The following GREB1L variants were observed in gnomAD, a reference collection of about 807,000 sequenced individuals.
GREB1L encodes GREB1-like protein.
In GREB1L, 17 loss-of-function variants were observed where a neutral mutation model predicts 200.8. The ratio of observed to expected loss-of-function variants is 0.08; its 90% confidence interval spans 0.06 to 0.13. The LOEUF is 0.13. Ranked by LOEUF, GREB1L falls within the 10% of genes least tolerant of loss-of-function variation. The pLI, the probability that GREB1L is intolerant of heterozygous loss-of-function variation, is 1.00. For synonymous variants in GREB1L, 789 were observed against 893.0 expected (o/e 0.88, Z 2.08); for missense variants, 1,657 against 2,367.7 (o/e 0.70, Z 6.23).
At chr18:21,499,586 C>T (rs2036690107) in intron 21 of GREB1L, 143 bp from the exon 22 acceptor site, 18 of 634,470 alleles carry the variant, frequency 2.8e-5, no homozygotes, top group South Asian at 1.6e-4. Context: ...ATGTGGAGAG[C>T]GGCAAAGAGA....
intron 2 of GREB1L, among the ~76,000 whole-genome samples, chr18:21,376,812 C>CAAAA (rs534144361): frequency 4.7e-4 from 28 of 59,346 alleles, no homozygotes; most frequent in Non-Finnish European, 6.1e-4. Context: ...GAGTCCGTCT[C>CAAAA]AAAAAAAAAA....
intron 17 of GREB1L, among the ~76,000 whole-genome samples, chr18:21,484,662 C>T (rs1456439631): frequency 2.6e-5 from 4 of 151,746 alleles, no homozygotes; most frequent in Non-Finnish European, 4.4e-5. Context: ...CCTAAAAATG[C>T]AAAAAAAGAA....
At chr18:21,380,774 T>C (rs1453424676) in intron 2 of GREB1L, 1 of 152,198 alleles carries the variant, frequency 6.6e-6, no homozygotes, top group African/African-American at 2.4e-5. Context: ...CCAATAGTTC[T>C]CAGATTGTTA....
chr18:21,445,705 A>G (rs1471779431), intron 11 of GREB1L, among the ~76,000 whole-genome samples: 1 of 152,208 alleles, frequency 6.6e-6, no homozygotes, highest in African/African-American at 2.4e-5. Flanking sequence ...CTGTGCCCTG[A>G]GAGGCTGCCT....
rs577942125 is a variant in GREB1L, at chr18:21,402,074, T to G, written c.709+748T>G. Among the ~76,000 whole-genome samples, 17 of 152,324 alleles carry G rather than the reference T, an allele frequency of 1.1e-4. No homozygotes were observed. In the South Asian group the frequency reaches 3.5e-3, roughly 32 times the overall value. ...AGTCCTTCACCTTAATTTCTCTTAG[T>G]TATCTTTGAAGTAGCATTATATAGT... is the stretch of plus-strand genomic sequence containing the variant. On this transcript the variant is annotated intron_variant, in intron 6 of 32. Transcript: ENST00000424526.
At chr18:21,302,165 A>G (rs1370339197) in intron 1 of GREB1L, among the ~76,000 whole-genome samples, 1 of 152,186 alleles carries the variant, frequency 6.6e-6, no homozygotes, top group African/African-American at 2.4e-5. Flanking sequence ...AGGAAAAGCC[A>G]ACTAAGATCT....
intron 4 of GREB1L, among the ~76,000 whole-genome samples, chr18:21,389,333 G>GT (rs78492131): frequency 0.057 from 5,416 of 95,526 alleles, 179 homozygotes; most frequent in Middle Eastern, 0.079. Flanking sequence ...TATGGGGTGG[G>GT]TTTTTTTTTT....
intron 1 of GREB1L, among the ~76,000 whole-genome samples, chr18:21,264,772 A>G (rs1373015367): frequency 1.3e-5 from 2 of 150,022 alleles, no homozygotes; most frequent in Non-Finnish European, 3.0e-5. Flanking sequence ...GCTTGGTTGC[A>G]GATGCCTGGA....
At chr18:21,439,669 T>C (rs1568012430) in intron 8 of GREB1L, 32 bp downstream of exon 8, 2 of 1,320,498 alleles carry the variant, frequency 1.5e-6, no homozygotes, top group Non-Finnish European at 2.1e-6. Flanking sequence ...TTTGTAATAA[T>C]GCACTTACCA....
chr18:21,512,783 T>C (rs1443546922), intron 27 of GREB1L, among the ~76,000 whole-genome samples: 1 of 152,170 alleles, frequency 6.6e-6, no homozygotes, highest in East Asian at 1.9e-4. Context: ...ACTATGATGA[T>C]GTTAGCTGTG....
At chr18:21,243,482 GT>G (rs934193448) in intron 1 of GREB1L, among the ~76,000 whole-genome samples, 2 of 152,140 alleles carry the variant, frequency 1.3e-5, no homozygotes, top group African/African-American at 4.8e-5. Flanking sequence ...ACCGTAAGGT[GT>G]TTTTTTCCGC....
intron 1 of GREB1L, among the ~76,000 whole-genome samples, chr18:21,328,003 A>C (rs1170956638): frequency 2.0e-5 from 3 of 152,132 alleles, no homozygotes; most frequent in Non-Finnish European, 4.4e-5. Flanking sequence ...CGTGAGCCAC[A>C]GCGCCCGGCC....
At chr18:21,345,738 G>T (rs2039334795) in intron 1 of GREB1L, among the ~76,000 whole-genome samples, 1 of 152,030 alleles carries the variant, frequency 6.6e-6, no homozygotes, top group African/African-American at 2.4e-5. Context: ...CAAGCATGGT[G>T]GCATGTGCCT....
At chr18:21,371,130 T>G (rs1159114272) in intron 2 of GREB1L, among the ~76,000 whole-genome samples, 1 of 152,096 alleles carries the variant, frequency 6.6e-6, no homozygotes, top group Non-Finnish European at 1.5e-5. Context: ...AAATTTTAGT[T>G]CCCCAGTCAC....
In GREB1L at chr18:21,438,817, C is replaced by T. The variant is rs527967027; in HGVS notation, c.833-704C>T. Among the ~76,000 whole-genome samples, 12 of 151,320 alleles carry T rather than the reference C, an allele frequency of 7.9e-5. No individual in the cohort carries two copies. In the East Asian group the frequency reaches 9.7e-4, roughly 12 times the overall value. On this transcript the variant is annotated intron_variant, in intron 7 of 32. Coordinates refer to ENST00000424526, the MANE Select transcript of GREB1L (RefSeq NM_001142966.3). ...ACTAAAAAAAATACAAAAAATTAGC[C>T]GGGCATGGTGGTGGGCGCCTGTAGT...
At chr18:21,365,947 G>A (rs2143640681) in intron 1 of GREB1L, 80 bp from the exon 2 acceptor site, 1 of 151,938 alleles carries the variant, frequency 6.6e-6, no homozygotes, top group South Asian at 2.1e-4. Flanking sequence ...TAAATATTTA[G>A]ATTATTATAT....
rs545923684 is a variant in GREB1L at position 21,409,192 on chromosome 18, G to A, written c.832+5198G>A. Reference sequence around the variant, plus strand: ...TCCATATAATGGAATACCATCCAGCGATAACAAGAAACAAACTGTCGACAT... The same window carrying A: ...TCCATATAATGGAATACCATCCAGCAATAACAAGAAACAAACTGTCGACAT... On this transcript the variant is annotated intron_variant, in intron 7 of 32. Coordinates refer to ENST00000424526, the MANE Select transcript of GREB1L (RefSeq NM_001142966.3). 2.6e-5 allele frequency among the ~76,000 whole-genome samples: 4 copies of A among 152,274 alleles called. No homozygotes were observed. In the South Asian group the frequency reaches 6.2e-4, roughly 24 times the overall value.
Position 21,393,788 on chromosome 18 carries a change from G to A in GREB1L, c.356-1597G>A, listed in dbSNP as rs114974401. Among the ~76,000 whole-genome samples the A allele has an allele frequency of 8.0e-3, 1,211 of 151,982 alleles. 13 individuals carry two copies. The highest frequency in any genetic ancestry group is 0.028 in the African/African-American group (1,159 of 41,456). ...ATGTTGGCAAGGCTGGACTTGAACC[G>A]CAACCTTAAGTGATCCACCCACCTC... On this transcript the variant is annotated intron_variant, in intron 4 of 32. Transcript: ENST00000424526.
At chr18:21,428,440 A>G (rs1049986905) in intron 7 of GREB1L, among the ~76,000 whole-genome samples, 1 of 132,504 alleles carries the variant, frequency 7.5e-6, no homozygotes, top group African/African-American at 2.9e-5. Flanking sequence ...TTCTGTTTCT[A>G]ATTTGTTGAG....
Sources: allele counts gnomAD v4.1 joint callset (sites outside exome capture counted in the v4.1 genomes callset), GRCh38; gene constraint gnomAD v4.1.1; transcripts MANE v1.5; gene names NCBI Gene and HGNC (gene_info 2026-07-23, HGNC 2026-07-21).